ANK2: variants seen among roughly 807,000 people sequenced by gnomAD.
ANK2 encodes the protein ankyrin 2, also known as ankyrin-2.
A neutral mutation model predicts 360.5 loss-of-function variants in ANK2; 83 were observed. The observed-to-expected ratio is 0.23, with a 90% CI of 0.19 to 0.28. The LOEUF is 0.28. ANK2 is among the 10% of genes least tolerant of loss of function. The pLI, the probability that ANK2 is intolerant of heterozygous loss-of-function variation, is 1.00. For synonymous variants in ANK2, 1,740 were observed against 1,759.5 expected, an observed-to-expected ratio of 0.99 and a Z score of 0.28; for missense variants, 4,201 against 4,795.7, an observed-to-expected ratio of 0.88 and a Z score of 3.66.
the ANK2 span, among the ~76,000 whole-genome samples, chr4:112,737,054 G>T: frequency 6.6e-6 from 1 of 152,078 alleles, no homozygotes. Context: ...GTTCAAATTT[G>T]GGCTCTGAAT....
chr4:112,822,048 A>G (rs2057211336), intron 1 of ANK2, among the ~76,000 whole-genome samples: 1 of 152,100 alleles, frequency 6.6e-6, no homozygotes, highest in Non-Finnish European at 1.5e-5. Context: ...GATTACAGGC[A>G]TGAGCCACTG....
At chr4:113,288,326 T>TA (rs2065769463) in intron 19 of ANK2, 62 bp from the exon 20 acceptor site, 4 of 1,365,542 alleles carry the variant, frequency 2.9e-6, no homozygotes. Flanking sequence ...TCTGGGGTAT[T>TA]AACCACTAGA....
At chr4:113,107,086 T>A in intron 1 of ANK2, 1 of 304,400 alleles carries the variant, frequency 3.3e-6, no homozygotes, top group Non-Finnish European at 6.5e-6. Flanking sequence ...CTGGTGTAAA[T>A]CTTTGATAAT....
intron 34 of ANK2, among the ~76,000 whole-genome samples, chr4:113,345,014 A>T (rs1300325291): frequency 6.6e-6 from 1 of 152,182 alleles, no homozygotes; most frequent in Non-Finnish European, 1.5e-5. Context: ...CAACAATGTG[A>T]ATGTACTTAA....
intron 1 of ANK2, among the ~76,000 whole-genome samples, chr4:112,834,223 T>C (rs6833559): frequency 0.13 from 19,732 of 152,244 alleles, 2,048 homozygotes; most frequent in East Asian, 0.5. Flanking sequence ...TTAGATGATA[T>C]TAAAAATTAT....
the ANK2 span, among the ~76,000 whole-genome samples, chr4:112,796,139 T>C: frequency 1.3e-5 from 2 of 152,022 alleles, no homozygotes; most frequent in Middle Eastern, 3.2e-3. Context: ...AATATACATA[T>C]CGTGGTTGAG....
intron 1 of ANK2, among the ~76,000 whole-genome samples, chr4:113,060,846 G>C (rs180970616): frequency 7.2e-5 from 11 of 152,032 alleles, no homozygotes; most frequent in Non-Finnish European, 4.4e-5. Flanking sequence ...GAAGAATGAA[G>C]CTTTATAGTT....
intron 1 of ANK2, among the ~76,000 whole-genome samples, chr4:112,864,266 A>G (rs2069335447): frequency 2.0e-5 from 3 of 152,220 alleles, no homozygotes; most frequent in African/African-American, 7.2e-5. Context: ...TGACATTATG[A>G]CATTTTGGAA....
chr4:112,800,058 C>T, the ANK2 span, among the ~76,000 whole-genome samples: 2 of 152,126 alleles, frequency 1.3e-5, no homozygotes, highest in Non-Finnish European at 2.9e-5. Context: ...ATTCATCCAT[C>T]CATTCATTGG....
chr4:113,171,711 C>T (rs939161779), intron 1 of ANK2, among the ~76,000 whole-genome samples: 1 of 152,198 alleles, frequency 6.6e-6, no homozygotes, highest in African/African-American at 2.4e-5. Context: ...TTTGCTATAA[C>T]TTTGACATGC....
At chr4:112,780,700 G>A in the ANK2 span, among the ~76,000 whole-genome samples, 3 of 152,134 alleles carry the variant, frequency 2.0e-5, no homozygotes, top group Non-Finnish European at 2.9e-5. Flanking sequence ...TACAATCATG[G>A]CGGAAGGGGA....
chr4:112,757,984 A>T, the ANK2 span, among the ~76,000 whole-genome samples: 5 of 151,244 alleles, frequency 3.3e-5, no homozygotes, highest in Non-Finnish European at 7.4e-5. Context: ...GCTCACTGCA[A>T]CCTCCACTTC....
intron 2 of ANK2, among the ~76,000 whole-genome samples, chr4:113,002,818 C>G (rs915538156): frequency 3.9e-5 from 6 of 152,202 alleles, no homozygotes; most frequent in African/African-American, 1.4e-4. Context: ...GTCTCATCTC[C>G]TCCCACTTCC....
At chr4:113,169,110 AC>A (rs1258658116) in intron 1 of ANK2, among the ~76,000 whole-genome samples, 1 of 152,164 alleles carries the variant, frequency 6.6e-6, no homozygotes, top group Non-Finnish European at 1.5e-5. Context: ...TTTATCCCTC[AC>A]AAGAAAAGCC....
intron 26 of ANK2, among the ~76,000 whole-genome samples, chr4:113,323,565 C>A (rs935937116): frequency 2.6e-5 from 4 of 152,122 alleles, no homozygotes; most frequent in African/African-American, 9.7e-5. Flanking sequence ...TTTATAATAT[C>A]CCCAGTTCTC....
intron 1 of ANK2, among the ~76,000 whole-genome samples, chr4:113,127,880 C>A (rs1428982238): frequency 6.6e-6 from 1 of 151,846 alleles, no homozygotes; most frequent in Non-Finnish European, 1.5e-5. Flanking sequence ...ACCAGAAGAG[C>A]AGCAGGGAGG....
the ANK2 span, among the ~76,000 whole-genome samples, chr4:112,801,468 G>A: frequency 6.6e-6 from 1 of 152,050 alleles, no homozygotes; most frequent in African/African-American, 2.4e-5. Context: ...AGTGGTGGTG[G>A]GAGACAAGTG....
At chr4:113,250,479 A>T (rs192270452) in intron 10 of ANK2, among the ~76,000 whole-genome samples, 14 of 152,330 alleles carry the variant, frequency 9.2e-5, no homozygotes, top group African/African-American at 2.9e-4. Flanking sequence ...ATATGGGAGA[A>T]GCACTTTTCC....
intron 1 of ANK2, among the ~76,000 whole-genome samples, chr4:112,887,452 C>T (rs1025408255): frequency 1.3e-4 from 20 of 152,126 alleles, no homozygotes; most frequent in African/African-American, 4.8e-4. Context: ...ACTTATGGTA[C>T]TTTCAGTTTA....
Sources: gnomAD v4.1 joint callset for allele counts (sites outside exome capture counted in the v4.1 genomes callset) on GRCh38, gnomAD v4.1.1 for gene constraint, MANE v1.5 for transcripts, NCBI Gene and HGNC (gene_info 2026-07-23, HGNC 2026-07-21) for gene names.